The following SPON1 variants were observed in gnomAD, a reference collection of about 807,000 sequenced individuals.
SPON1 encodes spondin-1.
A neutral mutation model predicts 111.7 loss-of-function variants in SPON1; 52 were observed. That is an observed-to-expected ratio of 0.47 (90% confidence interval 0.37 to 0.59). The LOEUF (loss-of-function observed/expected upper bound fraction) is 0.59, where lower values mean the gene tolerates loss of function less well. Ranked by LOEUF, SPON1 falls within the 20% of genes least tolerant of loss-of-function variation. The probability of loss-of-function intolerance (pLI) is 0.00; values close to 1 mark genes in which losing one functional copy is unlikely to be tolerated. For synonymous variants in SPON1, 410 were observed against 395.8 expected, an observed-to-expected ratio of 1.04 and a Z score of -0.43; for missense variants, 957 against 1,068.5, an observed-to-expected ratio of 0.90 and a Z score of 1.46.
At chr11:14,251,444 A>G (rs1554940655) in intron 7 of SPON1, among the ~76,000 whole-genome samples, 1 of 152,242 alleles carries the variant, frequency 6.6e-6, no homozygotes, top group Non-Finnish European at 1.5e-5. Context: ...CCTTGGTCTC[A>G]GATGGTTACA....
chr11:14,173,475 A>C (rs1287002760), intron 6 of SPON1, among the ~76,000 whole-genome samples: 1 of 152,022 alleles, frequency 6.6e-6, no homozygotes. Flanking sequence ...GATCTTCTGA[A>C]GCCTTCTTCT....
At chr11:14,178,330 G>A (rs1848201832) in intron 6 of SPON1, among the ~76,000 whole-genome samples, 1 of 151,708 alleles carries the variant, frequency 6.6e-6, no homozygotes, top group African/African-American at 2.4e-5. Flanking sequence ...ACTGAGGCAG[G>A]AGAATGGCGT....
In SPON1 at chr11:14,143,039, A is replaced by G. The variant is rs568887647; in HGVS notation, c.825+7471A>G. Among the ~76,000 whole-genome samples, 38 of 152,308 alleles carry G rather than the reference A, an allele frequency of 2.5e-4. No individual in the cohort carries two copies. In the South Asian group the frequency reaches 7.7e-3, roughly 31 times the overall value. On this transcript the variant is annotated intron_variant, in intron 6 of 15. Coordinates refer to ENST00000576479, the MANE Select transcript of SPON1 (RefSeq NM_006108.4). ...CTTACTTGGGTTGCACATGGCCCCA[A>G]ATGGTAGCCATAGGATCTTCCTCCT... is the stretch of plus-strand genomic sequence containing the variant.
intron 2 of SPON1, among the ~76,000 whole-genome samples, chr11:14,015,250 T>C (rs1848436385): frequency 6.6e-6 from 1 of 152,202 alleles, no homozygotes; most frequent in Non-Finnish European, 1.5e-5. Flanking sequence ...AGCTGAGAAG[T>C]ACAAGATCTA....
intron 5 of SPON1, among the ~76,000 whole-genome samples, chr11:14,119,174 G>T (rs1327597315): frequency 1.3e-5 from 2 of 152,146 alleles, no homozygotes; most frequent in Admixed American, 1.3e-4. Context: ...CATGATCTTA[G>T]TTGGACAAGC....
At chr11:14,240,592 TG>T (rs1554939562) in intron 6 of SPON1, among the ~76,000 whole-genome samples, 1 of 68,882 alleles carries the variant, frequency 1.5e-5, no homozygotes, top group African/African-American at 4.7e-5. Context: ...AGCAATATTG[TG>T]TGTGTGTGTG....
At chr11:14,003,165 C>T (rs1554912644) in intron 2 of SPON1, among the ~76,000 whole-genome samples, 1 of 152,182 alleles carries the variant, frequency 6.6e-6, no homozygotes, top group Non-Finnish European at 1.5e-5. Context: ...TCATGTCTTT[C>T]TGGTTTTATG....
chr11:14,229,942 CTGTG>C (rs1257913912), intron 6 of SPON1, among the ~76,000 whole-genome samples: 1 of 133,996 alleles, frequency 7.5e-6, no homozygotes, highest in African/African-American at 2.9e-5. Context: ...GTCTGTCTGT[CTGTG>C]TGTCCGTGTG....
At chr11:13,965,497 C>T (rs572484812) in intron 1 of SPON1, among the ~76,000 whole-genome samples, 5 of 152,276 alleles carry the variant, frequency 3.3e-5, no homozygotes, top group African/African-American at 1.2e-4. Flanking sequence ...CGTCCAGGGC[C>T]AGCAGGTGGG....
At chr11:13,972,025 A>G (rs1181796782) in intron 1 of SPON1, among the ~76,000 whole-genome samples, 1 of 152,208 alleles carries the variant, frequency 6.6e-6, no homozygotes, top group African/African-American at 2.4e-5. Flanking sequence ...CCTGGGCCAT[A>G]TGTCAGCCCT....
At chr11:13,988,899 G>GACTT (rs1848206098) in intron 2 of SPON1, among the ~76,000 whole-genome samples, 2 of 152,054 alleles carry the variant, frequency 1.3e-5, no homozygotes, top group Non-Finnish European at 2.9e-5. Context: ...GGATGAAGCT[G>GACTT]ACTTGATCGT....
At position 14,244,702 on chromosome 11, in the gene SPON1, G is replaced by A. The variant is rs552812923; in HGVS notation, c.890+1306G>A. ...AGTCAAGCAGCAGTGAGCCGTGATC[G>A]CACCACTGCACTCCAGCCTAGGTGA... On this transcript the variant is annotated intron_variant, in intron 7 of 15. Transcript: ENST00000576479. 2.3e-4 allele frequency among the ~76,000 whole-genome samples: 35 copies of A among 152,238 alleles called. No homozygotes were observed. In the South Asian group the frequency reaches 5.2e-3, roughly 23 times the overall value.
chr11:14,170,041 T>C (rs1848079028), intron 6 of SPON1, among the ~76,000 whole-genome samples: 1 of 152,214 alleles, frequency 6.6e-6, no homozygotes, highest in Non-Finnish European at 1.5e-5. Context: ...AGAAAGTCAT[T>C]GGTAGCTTGA....
At chr11:14,015,894 C>T (rs1051272187) in intron 2 of SPON1, among the ~76,000 whole-genome samples, 8 of 152,168 alleles carry the variant, frequency 5.3e-5, no homozygotes, top group Non-Finnish European at 7.3e-5. Flanking sequence ...ATCTGACCGG[C>T]TCATAGCAGG....
At chr11:13,981,996 G>A (rs1371854619) in intron 1 of SPON1, among the ~76,000 whole-genome samples, 1 of 152,090 alleles carries the variant, frequency 6.6e-6, no homozygotes, top group Non-Finnish European at 1.5e-5. Flanking sequence ...TGCTTTCTGT[G>A]GTTTCAGTTA....
intron 15 of SPON1, chr11:14,263,179 G>T: frequency 1.8e-6 from 1 of 564,282 alleles, no homozygotes; most frequent in Non-Finnish European, 3.1e-6. Context: ...AAAGGAGATT[G>T]GCGGTGGGGG....
intron 2 of SPON1, among the ~76,000 whole-genome samples, chr11:14,013,217 A>G (rs1228484411): frequency 6.6e-6 from 1 of 152,180 alleles, no homozygotes; most frequent in Non-Finnish European, 1.5e-5. Flanking sequence ...GATTATGTGG[A>G]TTATTGAATA....
chr11:14,098,300 A>C, intron 5 of SPON1, among the ~76,000 whole-genome samples: 1 of 152,194 alleles, frequency 6.6e-6, no homozygotes. Context: ...GGATTTTCTA[A>C]TGCCATTTCA....
chr11:14,107,613 G>GAAAA (rs1849195573), intron 5 of SPON1, among the ~76,000 whole-genome samples: 1 of 131,614 alleles, frequency 7.6e-6, no homozygotes, highest in African/African-American at 2.8e-5. Flanking sequence ...AAAAAAAAAT[G>GAAAA]AAAGAGGGCT....
Sources: allele counts gnomAD v4.1 joint callset (sites outside exome capture counted in the v4.1 genomes callset), GRCh38; gene constraint gnomAD v4.1.1; transcripts MANE v1.5; gene names NCBI Gene and HGNC (gene_info 2026-07-23, HGNC 2026-07-21).